MCTP2: variants seen among roughly 807,000 people sequenced by gnomAD.
MCTP2 encodes the protein multiple C2 and transmembrane domain containing 2.
In MCTP2, 132 loss-of-function variants were observed where a neutral mutation model predicts 111.6. That is an observed-to-expected ratio of 1.18 (90% CI 1.03 to 1.37). The LOEUF is 1.37. MCTP2 is among the 40% of genes most tolerant of loss of function. The pLI is 0.00. For synonymous variants in MCTP2, 395 were observed against 387.7 expected (o/e 1.02, Z -0.22); for missense variants, 1,183 against 1,067.9 (o/e 1.11, Z -1.50).
At chr15:94,387,692 A>G (rs1211818537) in intron 14 of MCTP2, among the ~76,000 whole-genome samples, 1 of 152,214 alleles carries the variant, frequency 6.6e-6, no homozygotes, top group Non-Finnish European at 1.5e-5. Flanking sequence ...AGCTTTTGTT[A>G]TAGTAGCAGG....
At chr15:94,405,901 T>G (rs769727378) in intron 17 of MCTP2, among the ~76,000 whole-genome samples, 5 of 152,208 alleles carry the variant, frequency 3.3e-5, no homozygotes, top group Non-Finnish European at 7.3e-5. Flanking sequence ...TTTTTCTTCC[T>G]TCAGAAAGTA....
chr15:94,436,189 A>C (rs2083467749), intron 17 of MCTP2, among the ~76,000 whole-genome samples: 1 of 152,130 alleles, frequency 6.6e-6, no homozygotes, highest in African/African-American at 2.4e-5. Flanking sequence ...TCCTCCATTC[A>C]GAAGTAATGG....
chr15:94,253,360 G>C (rs950836918), intron 1 of MCTP2, among the ~76,000 whole-genome samples: 1 of 152,028 alleles, frequency 6.6e-6, no homozygotes, highest in African/African-American at 2.4e-5. Context: ...TTAATTGGTG[G>C]TTCCACCATA....
At chr15:94,448,364 C>T (rs2084248909) in intron 19 of MCTP2, among the ~76,000 whole-genome samples, 1 of 152,104 alleles carries the variant, frequency 6.6e-6, no homozygotes. Flanking sequence ...ATGTGATATG[C>T]CAGACTCAAT....
chr15:94,304,620 C>T (rs1210529004), intron 2 of MCTP2, among the ~76,000 whole-genome samples: 1 of 152,202 alleles, frequency 6.6e-6, no homozygotes, highest in Non-Finnish European at 1.5e-5. Flanking sequence ...TCCCCACAGT[C>T]AGCCTTTAGG....
Position 94,478,984 on chromosome 15 carries a change from A to C in MCTP2, c.2587A>C (p.Lys863Gln), listed in dbSNP as rs553274113. ...TTCACAGGTGCAGTATGCAGAATTGAAACTCTGCAGCAGCCACAGCCCCCT... is the reference window on the plus strand; with the variant it reads ...TTCACAGGTGCAGTATGCAGAATTGCAACTCTGCAGCAGCCACAGCCCCCT... ...DVQKVQYAEL[K>Q]LCSSHSPLRK... Residue 863 changes from lysine to glutamine, a missense_variant, in exon 23 of 23, where the codon AAA becomes CAA. Physicochemically the swap from Lys to Gln is moderately conservative, Grantham distance 53. Coordinates refer to ENST00000357742, the MANE Select transcript of MCTP2 (RefSeq NM_001385001.1). 1 of 1,614,060 alleles carries C rather than the reference A, an allele frequency of 6.2e-7. No homozygotes were observed. Among genetic ancestry groups the C allele is most frequent in the African/African-American group, 1.3e-5 (1 of 75,078 alleles).
chr15:94,308,707 T>G (rs1419884928), intron 2 of MCTP2, among the ~76,000 whole-genome samples: 1 of 143,684 alleles, frequency 7.0e-6, no homozygotes, highest in Non-Finnish European at 1.5e-5. Context: ...CAACAGGGGT[T>G]GATAAACTTT....
At position 94,242,970 on chromosome 15, in the gene MCTP2, TGTATCTACAC is replaced by T. The variant is rs1429411724; in HGVS notation, c.-66+11307_-66+11316del. Among the ~76,000 whole-genome samples the T allele has an allele frequency of 7.7e-4, 89 of 115,780 alleles. 1 individual carries two copies. Among genetic ancestry groups the T allele is most frequent in the African/African-American group, 2.7e-3 (78 of 28,800 alleles). The allele number at this position is 115,780 out of a possible 152,430, so 76.0% of individuals were successfully genotyped here. On this transcript the variant is annotated intron_variant, in intron 1 of 22. Coordinates refer to ENST00000357742, the MANE Select transcript of MCTP2 (RefSeq NM_001385001.1). ...AGATACACATATACACGTGTATATGTGTATCTACACATACACGTGTATATGTGTATCTACA... is the reference window on the plus strand; with the variant it reads ...AGATACACATATACACGTGTATATGTATACACGTGTATATGTGTATCTACA...
At chr15:94,267,928 T>C (rs1292426577) in intron 1 of MCTP2, among the ~76,000 whole-genome samples, 2 of 137,612 alleles carry the variant, frequency 1.5e-5, no homozygotes, top group Non-Finnish European at 3.1e-5. Context: ...TGCAGAGGCG[T>C]GATCTTGGCT....
chr15:94,245,002 A>G (rs2071685137), intron 1 of MCTP2, among the ~76,000 whole-genome samples: 1 of 149,790 alleles, frequency 6.7e-6, no homozygotes, highest in South Asian at 2.1e-4. Context: ...TTATATACGT[A>G]TATGTATACA....
intron 1 of MCTP2, among the ~76,000 whole-genome samples, chr15:94,294,410 A>T (rs1238879631): frequency 6.6e-6 from 1 of 152,186 alleles, no homozygotes; most frequent in Non-Finnish European, 1.5e-5. Context: ...AGATGGTGAA[A>T]CTGGTGGTTC....
chr15:94,361,060 C>A (rs1455441722), intron 10 of MCTP2, among the ~76,000 whole-genome samples: 9 of 112,030 alleles, frequency 8.0e-5, no homozygotes, highest in Admixed American at 5.8e-4. Context: ...TTCCTTCTTC[C>A]TGGCTATTGT....
At chr15:94,343,181 A>G (rs1055505754) in intron 7 of MCTP2, 1 of 152,010 alleles carries the variant, frequency 6.6e-6, no homozygotes, top group Non-Finnish European at 1.5e-5. Context: ...ATTCTGGGCC[A>G]TGTGTGGTTA....
At chr15:94,254,615 A>T (rs1278617340) in intron 1 of MCTP2, among the ~76,000 whole-genome samples, 1 of 152,166 alleles carries the variant, frequency 6.6e-6, no homozygotes, top group African/African-American at 2.4e-5. Flanking sequence ...CACTGGTTTG[A>T]TTTTTTTGCA....
intron 4 of MCTP2, among the ~76,000 whole-genome samples, chr15:94,330,088 A>C (rs961404731): frequency 1.3e-5 from 2 of 152,246 alleles, no homozygotes; most frequent in Admixed American, 1.3e-4. Flanking sequence ...TTCACTTAGC[A>C]TAATGTCCTC....
chr15:94,294,821 G>A (rs2075184310), intron 1 of MCTP2, among the ~76,000 whole-genome samples: 2 of 152,094 alleles, frequency 1.3e-5, no homozygotes, highest in Non-Finnish European at 2.9e-5. Context: ...CAGGGAGATT[G>A]GTTGGAAGGC....
chr15:94,442,794 T>C (rs2152512221), intron 18 of MCTP2, 125 bp from the exon 19 acceptor site: 1 of 748,160 alleles, frequency 1.3e-6, no homozygotes, highest in South Asian at 1.6e-5. Flanking sequence ...GTTTAAGAGG[T>C]TGTAATGCAT....
At chr15:94,268,694 C>G (rs928547150) in intron 1 of MCTP2, among the ~76,000 whole-genome samples, 8 of 151,728 alleles carry the variant, frequency 5.3e-5, no homozygotes, top group Non-Finnish European at 8.8e-5. Flanking sequence ...GAATTCTTAC[C>G]AGTAGATCAT....
intron 17 of MCTP2, among the ~76,000 whole-genome samples, chr15:94,425,748 C>G (rs997592455): frequency 6.6e-6 from 1 of 151,940 alleles, no homozygotes; most frequent in African/African-American, 2.4e-5. Context: ...GGTATTATGA[C>G]CAATTTTAAA....
Sources: allele counts gnomAD v4.1 joint callset (sites outside exome capture counted in the v4.1 genomes callset), GRCh38; gene constraint gnomAD v4.1.1; transcripts MANE v1.5; gene names NCBI Gene and HGNC (gene_info 2026-07-23, HGNC 2026-07-21).